The following PRKRA variants were observed in gnomAD, a reference collection of about 807,000 sequenced individuals.
PRKRA encodes the protein interferon-inducible double-stranded RNA-dependent protein kinase activator A.
A neutral mutation model predicts 32.4 loss-of-function variants in PRKRA; 22 were observed. That is an observed-to-expected ratio of 0.68 (90% CI 0.49 to 0.97). The LOEUF (loss-of-function observed/expected upper bound fraction) is 0.97, where lower values mean the gene tolerates loss of function less well. Among genes scored for constraint, PRKRA ranks in the 50% least tolerant of loss-of-function variants. PRKRA has a pLI of 0.00. For missense variants in PRKRA, 319 were observed against 375.6 expected (o/e 0.85, Z 1.25); for synonymous variants, 139 against 129.8 (o/e 1.07, Z -0.48).
intron 3 of PRKRA, among the ~76,000 whole-genome samples, chr2:178,447,039 C>G (rs1256344731): frequency 1.4e-5 from 2 of 145,440 alleles, no homozygotes; most frequent in Middle Eastern, 3.4e-3. Flanking sequence ...AAAGATATGT[C>G]AAGAATTAAT....
chr2:178,448,478 G>T (rs1288230538), intron 2 of PRKRA, among the ~76,000 whole-genome samples: 1 of 152,154 alleles, frequency 6.6e-6, no homozygotes, highest in African/African-American at 2.4e-5. Flanking sequence ...GGCACCTGAA[G>T]TATGGAATGG....
At chr2:178,446,466 G>A (rs1458009682) in intron 3 of PRKRA, among the ~76,000 whole-genome samples, 1 of 152,194 alleles carries the variant, frequency 6.6e-6, no homozygotes, top group Non-Finnish European at 1.5e-5. Flanking sequence ...TTTACAAAAA[G>A]AGAGGAATAC....
In PRKRA at chr2:178,444,460, G is replaced by T; in HGVS notation, c.358C>A (p.Gln120Lys). The T allele has an allele frequency of 6.2e-7, 1 of 1,607,440 alleles. No individual in the cohort carries two copies. The highest frequency in any genetic ancestry group is 8.5e-7 in the Non-Finnish European group (1 of 1,174,078). ...PDPLMPDPSKQPKNQLNPIGS... is the reference protein window; with the variant it reads ...PDPLMPDPSKKPKNQLNPIGS... ...ATAGGATTAAGCTGGTTCTTTGGTTGCTTGGAAGGGTCAGGCATTAAGGGG... is the reference window on the plus strand; with the variant it reads ...ATAGGATTAAGCTGGTTCTTTGGTTTCTTGGAAGGGTCAGGCATTAAGGGG... The change falls in exon 4 of 8, where the codon CAA becomes AAA. Residue 120 changes from glutamine (Q) to lysine (K), a missense_variant. Physicochemically the swap from Gln to Lys is moderately conservative, Grantham distance 53. Coordinates refer to ENST00000325748, the MANE Select transcript of PRKRA (RefSeq NM_003690.5).
chr2:178,441,940 C>T (rs1697133864), intron 5 of PRKRA, among the ~76,000 whole-genome samples: 1 of 143,974 alleles, frequency 6.9e-6, no homozygotes, highest in South Asian at 2.2e-4. Flanking sequence ...GGCTGGAGTG[C>T]AGTGGCACCA....
rs548316494 is a variant in PRKRA at position 178,441,276 on chromosome 2, C to T, written c.609+334G>A. ...ACACTTAGCACACAGTATGAGCTCACTAAATGTTTGCTAAGTGAATGAATG... is the reference window on the plus strand; with the variant it reads ...ACACTTAGCACACAGTATGAGCTCATTAAATGTTTGCTAAGTGAATGAATG... On this transcript the variant is annotated intron_variant, in intron 6 of 7. Transcript: ENST00000325748. 3.3e-5 allele frequency among the ~76,000 whole-genome samples: 5 copies of T among 150,462 alleles called. No homozygotes were observed. In the South Asian group the frequency reaches 6.6e-4, roughly 20 times the overall value.
Position 178,441,624 on chromosome 2 carries a change from T to C in PRKRA, c.595A>G (p.Asn199Asp). The change falls in exon 6 of 8, where the codon AAC becomes GAC. Residue 199 changes from asparagine (N) to aspartate (D), a missense_variant. Physicochemically the swap from Asn to Asp is conservative, Grantham distance 23. Coordinates refer to ENST00000325748, the MANE Select transcript of PRKRA (RefSeq NM_003690.5). ...ACATTACTCACTAAAGAAATGTGGT[T>C]CTCTGGAGAAATATTACTAAATTTG... ...LAKFSNISPE[N>D]HISLTNVVGH... The C allele has an allele frequency of 6.2e-7, 1 of 1,601,348 alleles. No homozygotes were observed. Among genetic ancestry groups the C allele is most frequent in the Non-Finnish European group, 8.6e-7 (1 of 1,168,692 alleles).
At chr2:178,447,708 A>G in intron 2 of PRKRA, 122 bp from the exon 3 acceptor site, 1 of 985,686 alleles carries the variant, frequency 1.0e-6, no homozygotes, top group Non-Finnish European at 1.5e-6. Context: ...AGGTAATAAA[A>G]ATATGTACGT....
intron 6 of PRKRA, among the ~76,000 whole-genome samples, 182 bp from the exon 7 acceptor site, chr2:178,436,501 C>T (rs939858533): frequency 1.3e-5 from 2 of 152,124 alleles, no homozygotes; most frequent in African/African-American, 4.8e-5. Flanking sequence ...ACACATTTAA[C>T]AATACTATAT....
intron 6 of PRKRA, chr2:178,439,656 G>C (rs1351060247): frequency 6.6e-6 from 1 of 152,116 alleles, no homozygotes; most frequent in Non-Finnish European, 1.5e-5. Flanking sequence ...TAAAAGTGGT[G>C]TTGGTGGGCG....
chr2:178,449,937 G>C (rs971309771), intron 2 of PRKRA: 1 of 463,108 alleles, frequency 2.2e-6, no homozygotes, highest in African/African-American at 2.0e-5. Context: ...AACCTTTCCT[G>C]CTTCCCTCTA....
At position 178,449,499 on chromosome 2, in the gene PRKRA, TTAAA is replaced by T. The variant is rs79219605; in HGVS notation, c.235+739_235+742del. Among the ~76,000 whole-genome samples the T allele has an allele frequency of 7.8e-3, 1,182 of 152,352 alleles. 5 individuals carry two copies. Among genetic ancestry groups the T allele is most frequent in the Middle Eastern group, 0.02 (6 of 294 alleles). On this transcript the variant is annotated intron_variant, in intron 2 of 7. Transcript: ENST00000325748. ...CATCCAATGTTTTCTGTGTTTGCAA[TTAAA>T]TAGATACATAAGAAAAATAATGTCC...
intron 3 of PRKRA, chr2:178,445,991 A>G (rs1242251260): frequency 1.3e-5 from 2 of 151,588 alleles, no homozygotes; most frequent in Non-Finnish European, 2.9e-5. Context: ...TTGGCCTCCC[A>G]AAGTGCTGGG....
intron 2 of PRKRA, 145 bp from the exon 3 acceptor site, chr2:178,447,731 A>G: frequency 2.4e-6 from 2 of 836,428 alleles, no homozygotes; most frequent in African/African-American, 1.7e-5. Flanking sequence ...TATACTGTAC[A>G]TAAAAATATG....
At chr2:178,443,472 G>T in intron 4 of PRKRA, 88 bp from the exon 5 acceptor site, 1 of 632,034 alleles carries the variant, frequency 1.6e-6, no homozygotes, top group Non-Finnish European at 2.6e-6. Flanking sequence ...CCATTTCTAT[G>T]TATATGTTTG....
At position 178,450,397 on chromosome 2, in the gene PRKRA, A is replaced by G. The variant is rs780703241; in HGVS notation, c.80T>C (p.Ile27Thr). The stretch of plus-strand genomic sequence containing the variant: ...CGGTGTTTTCCCTGGCTTAGCTGTT[A>G]TCATCTTCCCCAAACTGCAAAAACC... ...DSGTFSLGKM[I>T]TAKPGKTPIQ... Residue 27 changes from isoleucine to threonine, a missense_variant, in exon 2 of 8, where the codon ATA (isoleucine) becomes ACA (threonine). Ile to Thr is a moderately conservative substitution (Grantham distance 89). Transcript: ENST00000325748. 1.2e-4 allele frequency: 188 copies of G among 1,614,140 alleles called. No homozygotes were observed. The East Asian group carries it at 4.1e-3, about 35-fold the overall frequency.
intron 6 of PRKRA, chr2:178,439,185 CT>C (rs1310017707): frequency 3.9e-5 from 6 of 152,080 alleles, no homozygotes; most frequent in African/African-American, 1.4e-4. Context: ...AAACTACTGA[CT>C]TTTTTCTAGT....
In PRKRA at chr2:178,432,244, G is replaced by A. The variant is rs150679361; in HGVS notation, c.795C>T (p.Ser265=). The A allele has an allele frequency of 9.5e-3, 15,369 of 1,613,398 alleles. 58 individuals carry two copies. Among genetic ancestry groups the A allele is most frequent in the Non-Finnish European group, 0.011 (13,011 of 1,179,264 alleles). The part of the protein sequence containing the change: ...NITYLDIDEL[S]ANGQYQCLAE... ...CAAGACATTGATATTGTCCATTGGC[G>A]CTCAGTTCATCTGTAATGACACATT... Residue 265 remains serine (S), a synonymous_variant, in exon 8 of 8, where the codon AGC becomes AGT. Transcript: ENST00000325748.
In PRKRA at chr2:178,450,961, C is replaced by A; in HGVS notation, c.65+5G>T. 6.4e-7 allele frequency: 1 copy of A among 1,560,622 alleles called. No homozygotes were observed. The highest frequency in any genetic ancestry group is 8.6e-7 in the Non-Finnish European group (1 of 1,158,716). On this transcript the variant is annotated splice_donor_5th_base_variant and intron_variant, in intron 1 of 7. Coordinates refer to ENST00000325748, the MANE Select transcript of PRKRA (RefSeq NM_003690.5). ...CCCTGGGGCCCTGACTGCCCGCACG[C>A]TGACCTGAAGGTCCCACTGTCCTCG... is the stretch of plus-strand genomic sequence containing the variant.
intron 7 of PRKRA, 43 bp downstream of exon 7, chr2:178,436,102 A>T (rs750643833): frequency 1.3e-6 from 2 of 1,521,500 alleles, no homozygotes; most frequent in Non-Finnish European, 1.8e-6. Flanking sequence ...ACACATTTTT[A>T]AATAAACATG....
Sources: allele counts gnomAD v4.1 joint callset (sites outside exome capture counted in the v4.1 genomes callset), GRCh38; gene constraint gnomAD v4.1.1; transcripts MANE v1.5; gene names NCBI Gene and HGNC (gene_info 2026-07-23, HGNC 2026-07-21).